Variants in RNF144A observed in about 807,000 individuals in gnomAD.
RNF144A encodes ring finger protein 144A.
RNF144A carries 11 observed loss-of-function variants against 38.7 expected under a neutral mutation model. The observed-to-expected ratio is 0.28, with a 90% CI of 0.18 to 0.47. The LOEUF (loss-of-function observed/expected upper bound fraction) is 0.47. Ranked by LOEUF, RNF144A falls within the 20% of genes least tolerant of loss-of-function variation. The probability of loss-of-function intolerance (pLI) is 0.99; values close to 1 mark genes in which losing one functional copy is unlikely to be tolerated. For synonymous variants in RNF144A, 149 were observed against 143.9 expected (o/e 1.04, Z -0.25); for missense variants, 316 against 377.2 (o/e 0.84, Z 1.34).
At chr2:6,977,355 G>T (rs1668377977) in intron 2 of RNF144A, among the ~76,000 whole-genome samples, 1 of 152,230 alleles carries the variant, frequency 6.6e-6, no homozygotes. Context: ...TTGAGTTAAT[G>T]ACACGAAAGC....
At chr2:7,009,528 C>CT (rs33998416) in intron 3 of RNF144A, among the ~76,000 whole-genome samples, 115,642 of 147,104 alleles carry the variant, frequency 0.79, 45,448 homozygotes, top group South Asian at 0.92. Flanking sequence ...AAGTCTGGGG[C>CT]TTTTTTTTTT....
intron 2 of RNF144A, among the ~76,000 whole-genome samples, chr2:6,980,092 A>G (rs13408347): frequency 0.019 from 2,907 of 152,308 alleles, 41 homozygotes; most frequent in East Asian, 0.065. Context: ...AACTGCCCCC[A>G]TGATCCAGTC....
Position 6,942,676 on chromosome 2 carries a change from G to A in RNF144A, c.-12+1529G>A, listed in dbSNP as rs374791544. On this transcript the variant is annotated intron_variant, in intron 2 of 8. Coordinates refer to ENST00000320892, the MANE Select transcript of RNF144A (RefSeq NM_014746.6). Reference sequence around the variant, plus strand: ...GATGGAGTAGGTTGCAGCCAGAGAAGGTTTGGGTGCAAAAAGGGATTCAGA... The same window carrying A: ...GATGGAGTAGGTTGCAGCCAGAGAAAGTTTGGGTGCAAAAAGGGATTCAGA... Among the ~76,000 whole-genome samples the A allele has an allele frequency of 3.9e-5, 6 of 152,312 alleles. 1 individual carries two copies. In the South Asian group the frequency reaches 1.0e-3, roughly 26 times the overall value.
chr2:6,929,387 A>G lies in RNF144A; in HGVS notation c.-211-11561A>G, dbSNP rs71436166. 1.8e-3 allele frequency among the ~76,000 whole-genome samples: 278 copies of G among 152,340 alleles called. 2 individuals are homozygous for G. The highest frequency in any genetic ancestry group is 3.0e-3 in the Non-Finnish European group (202 of 68,026). Reference sequence around the variant, plus strand: ...TTGCACTTCCATAGGGTGAATGTACAGTGAGCTGGGCTCCTGGAGCTAAGC... The same window carrying G: ...TTGCACTTCCATAGGGTGAATGTACGGTGAGCTGGGCTCCTGGAGCTAAGC... On this transcript the variant is annotated intron_variant, in intron 1 of 8. Transcript: ENST00000320892.
intron 2 of RNF144A, among the ~76,000 whole-genome samples, chr2:6,984,390 C>T (rs1470264321): frequency 6.6e-6 from 1 of 152,084 alleles, no homozygotes; most frequent in Admixed American, 6.6e-5. Context: ...GCAACCTCCG[C>T]CTCCTGGGTT....
intron 2 of RNF144A, among the ~76,000 whole-genome samples, chr2:6,995,338 A>AAGG (rs1291477449): frequency 1.3e-5 from 2 of 152,144 alleles, no homozygotes; most frequent in African/African-American, 4.8e-5. Flanking sequence ...GCTGTGGCTG[A>AAGG]AGGAGACATC....
intron 1 of RNF144A, among the ~76,000 whole-genome samples, chr2:6,930,660 C>T (rs1364564490): frequency 6.6e-6 from 1 of 152,092 alleles, no homozygotes; most frequent in Non-Finnish European, 1.5e-5. Flanking sequence ...GGTGCAATCT[C>T]AGCTCACTAC....
At chr2:7,045,228 GTGCCGAAC>G (rs1283765177), downstream of RNF144A, among the ~76,000 whole-genome samples, 1 of 152,240 alleles carries the variant, frequency 6.6e-6, no homozygotes, top group Non-Finnish European at 1.5e-5. Context: ...GGGGCACAGT[GTGCCGAAC>G]TCAGGAACTG....
intron 2 of RNF144A, among the ~76,000 whole-genome samples, chr2:6,961,332 A>C (rs2103329945): frequency 6.6e-6 from 1 of 152,276 alleles, no homozygotes; most frequent in South Asian, 2.1e-4. Flanking sequence ...CCAGGAAAAA[A>C]AATTATTTTC....
At chr2:7,075,289 C>CG in the RNF144A span, among the ~76,000 whole-genome samples, 8 of 151,822 alleles carry the variant, frequency 5.3e-5, no homozygotes, top group East Asian at 3.9e-4. Flanking sequence ...CATCCCCCCC[C>CG]CCACACAGTG....
In RNF144A at chr2:7,044,115, C is replaced by G. The variant is rs961022012; in HGVS notation, c.*4355C>G. ...ATGTATTGTGTCTTACGTAGTTTGT[C>G]CCCCCCTTTAGCAGGGATTCCTTTT... On this transcript the variant is annotated 3_prime_UTR_variant, in exon 9 of 9. Coordinates refer to ENST00000320892, the MANE Select transcript of RNF144A (RefSeq NM_014746.6). 1.0e-6 allele frequency: 1 copy of G among 984,606 alleles called. No homozygotes were observed. The allele number at this position is 984,606 out of a possible 1,614,324, so 61.0% of individuals were successfully genotyped here.
At chr2:6,933,881 T>C (rs1158644674) in intron 1 of RNF144A, among the ~76,000 whole-genome samples, 2 of 152,218 alleles carry the variant, frequency 1.3e-5, no homozygotes, top group African/African-American at 4.8e-5. Context: ...TTTATTCAGC[T>C]TTTCTTCTAT....
At position 6,930,583 on chromosome 2, in the gene RNF144A, G is replaced by A. The variant is rs552273838; in HGVS notation, c.-211-10365G>A. Among the ~76,000 whole-genome samples, 12 of 151,794 alleles carry A rather than the reference G, an allele frequency of 7.9e-5. No individual in the cohort carries two copies. In the East Asian group the frequency reaches 1.5e-3, roughly 20 times the overall value. On this transcript the variant is annotated intron_variant, in intron 1 of 8. Transcript: ENST00000320892. ...TCTATCTGTATATACATACATACGT[G>A]TATATATATGTATAATTTATTTTTT...
intron 2 of RNF144A, among the ~76,000 whole-genome samples, chr2:6,957,058 A>G (rs1667051925): frequency 6.6e-6 from 1 of 152,108 alleles, no homozygotes. Context: ...AGCACACTCC[A>G]ACTGGAATGT....
chr2:7,062,396 C>T (rs1673992048), intron 6 of RNF144A, among the ~76,000 whole-genome samples: 1 of 150,764 alleles, frequency 6.6e-6, no homozygotes. Context: ...GTACATTCTT[C>T]CTCTAGCTGG....
rs1465592688 is a variant in RNF144A, at chr2:7,041,782, C to T, written c.*2022C>T. 22 of 985,496 alleles carry T rather than the reference C, an allele frequency of 2.2e-5. No individual in the cohort carries two copies. The highest frequency in any genetic ancestry group is 2.4e-5 in the Non-Finnish European group (20 of 830,100). 61.0% of individuals were successfully genotyped at this position (985,496 alleles called of 1,614,324 possible). A position where few individuals can be genotyped will look rare whatever the true frequency, so the allele number is the denominator to read the frequency against. Reference sequence around the variant, plus strand: ...CTTCCTGCCTGAAATTGCTGCTGCCCATCGCATGAGCCCACACAGTAGCAC... The same window carrying T: ...CTTCCTGCCTGAAATTGCTGCTGCCTATCGCATGAGCCCACACAGTAGCAC... On this transcript the variant is annotated 3_prime_UTR_variant, in exon 9 of 9. Transcript: ENST00000320892.
At chr2:7,053,118 C>G (rs913294123) in intron 6 of RNF144A, among the ~76,000 whole-genome samples, 2 of 152,152 alleles carry the variant, frequency 1.3e-5, no homozygotes, top group African/African-American at 4.8e-5. Context: ...ATTTTCTTCT[C>G]TGGCTGGTAT....
intron 3 of RNF144A, among the ~76,000 whole-genome samples, chr2:7,006,017 G>T (rs1363229889): frequency 6.6e-6 from 1 of 151,558 alleles, no homozygotes; most frequent in African/African-American, 2.4e-5. Context: ...GTTTTTCTCG[G>T]TGGCATCATT....
intron 2 of RNF144A, among the ~76,000 whole-genome samples, chr2:6,949,970 C>T (rs188961382): frequency 4.2e-4 from 64 of 152,092 alleles, no homozygotes; most frequent in Non-Finnish European, 7.6e-4. Flanking sequence ...TTTTTATTTA[C>T]CCCTCTAGAA....
Sources: gnomAD v4.1 joint callset for allele counts (sites outside exome capture counted in the v4.1 genomes callset) on GRCh38, gnomAD v4.1.1 for gene constraint, MANE v1.5 for transcripts, NCBI Gene and HGNC (gene_info 2026-07-23, HGNC 2026-07-21) for gene names.